Variants in MYO10 observed in about 807,000 individuals in gnomAD.
The protein encoded by MYO10 is unconventional myosin-X.
Under a neutral mutation model 257.3 loss-of-function variants are expected in MYO10, and 133 were observed. The ratio of observed to expected loss-of-function variants is 0.52; its 90% CI spans 0.45 to 0.60. The LOEUF (loss-of-function observed/expected upper bound fraction) is 0.60, where lower values mean the gene tolerates loss of function less well. MYO10 is among the 20% of genes least tolerant of loss of function. The probability of loss-of-function intolerance (pLI) is 0.00; values close to 1 mark genes in which losing one functional copy is unlikely to be tolerated. For missense variants in MYO10, 2,399 were observed against 2,635.7 expected (o/e 0.91, Z 1.97); for synonymous variants, 1,104 against 1,028.6 (o/e 1.07, Z -1.40).
intron 30 of MYO10, among the ~76,000 whole-genome samples, chr5:16,683,121 TGACA>T (rs1400201657): frequency 6.6e-6 from 1 of 152,184 alleles, no homozygotes; most frequent in Non-Finnish European, 1.5e-5. Flanking sequence ...GGAGGGTGAC[TGACA>T]GAGACCCCAG....
At chr5:16,712,222 T>C (rs1438483540) in intron 19 of MYO10, among the ~76,000 whole-genome samples, 2 of 152,196 alleles carry the variant, frequency 1.3e-5, no homozygotes, top group Non-Finnish European at 2.9e-5. Context: ...TACTTATTTA[T>C]TGAGAGCTCC....
At chr5:16,909,014 A>G (rs1730396797) in intron 1 of MYO10, among the ~76,000 whole-genome samples, 1 of 152,212 alleles carries the variant, frequency 6.6e-6, no homozygotes, top group Admixed American at 6.5e-5. Context: ...TGTCTTGGAC[A>G]TTGTATTAGT....
At chr5:16,865,704 G>A (rs1249464136) in intron 2 of MYO10, among the ~76,000 whole-genome samples, 6 of 151,650 alleles carry the variant, frequency 4.0e-5, no homozygotes, top group Non-Finnish European at 7.4e-5. Context: ...CCAGCTACTC[G>A]GGAGGCTTAG....
chr5:16,856,743 T>C (rs1441371239), intron 2 of MYO10, among the ~76,000 whole-genome samples: 4 of 152,038 alleles, frequency 2.6e-5, no homozygotes, highest in African/African-American at 9.7e-5. Context: ...CCAGCATGCA[T>C]GATTTAGGGA....
At position 16,701,270 on chromosome 5, in the gene MYO10, G is replaced by A. The variant is rs761325630; in HGVS notation, c.3125C>T (p.Pro1042Leu). 4.3e-6 allele frequency: 7 copies of A among 1,613,728 alleles called. No individual in the cohort carries two copies. In the Admixed American group the frequency reaches 5.0e-5, roughly 12 times the overall value. ...EDPYMNDTVV[P>L]TSPSADSTVL... ...CGTGCTGTCCGCACTGGGGCTGGTG[G>A]GCACCACCGTGTCGTTCATGTATGG... Residue 1042 changes from proline (P) to leucine (L), a missense_variant, in exon 25 of 41, where the codon CCC (proline) becomes CTC (leucine). Pro to Leu is a moderately conservative substitution (Grantham distance 98). Transcript: ENST00000513610. This position sits in a 1 kb window ranked among gnomAD's most constrained non-coding sequence, Gnocchi z 8.1.
chr5:16,695,714 C>A (rs923033424), intron 26 of MYO10, among the ~76,000 whole-genome samples: 1 of 152,192 alleles, frequency 6.6e-6, no homozygotes, highest in Non-Finnish European at 1.5e-5. Flanking sequence ...ACTGTCCACA[C>A]ATTATTTTCT....
intron 2 of MYO10, among the ~76,000 whole-genome samples, chr5:16,825,586 G>A (rs1032217204): frequency 1.3e-5 from 2 of 152,108 alleles, no homozygotes; most frequent in African/African-American, 4.8e-5. Context: ...CTACTCTGAG[G>A]CAGGAACCCA....
intron 1 of MYO10, among the ~76,000 whole-genome samples, chr5:16,896,617 G>T (rs780979258): frequency 1.1e-4 from 17 of 152,250 alleles, no homozygotes; most frequent in Admixed American, 9.2e-4. Flanking sequence ...AAAAAGGAAA[G>T]AAATGGTCTA....
intron 2 of MYO10, among the ~76,000 whole-genome samples, chr5:16,831,755 T>C (rs546171883): frequency 1.3e-5 from 2 of 152,212 alleles, no homozygotes; most frequent in South Asian, 4.1e-4. Flanking sequence ...GATAAAAGAC[T>C]ACAAATTGGG....
intron 3 of MYO10, among the ~76,000 whole-genome samples, chr5:16,803,590 T>C (rs1025727698): frequency 1.3e-5 from 2 of 152,224 alleles, no homozygotes; most frequent in Admixed American, 6.5e-5. Context: ...AAAGATATTA[T>C]GTTGTGGCTG....
chr5:16,873,693 C>T (rs1238941637), intron 2 of MYO10, among the ~76,000 whole-genome samples: 2 of 152,232 alleles, frequency 1.3e-5, no homozygotes, highest in Non-Finnish European at 2.9e-5. Flanking sequence ...AACCTCAATT[C>T]TTCTGTGCAC....
chr5:16,719,981 T>C (rs988123212), intron 19 of MYO10, among the ~76,000 whole-genome samples: 7 of 117,330 alleles, frequency 6.0e-5, no homozygotes, highest in Admixed American at 4.8e-4. Context: ...AATAAATGTG[T>C]GTGCGTGCGT....
intron 2 of MYO10, among the ~76,000 whole-genome samples, chr5:16,822,909 G>A (rs1199304208): frequency 6.6e-6 from 1 of 151,434 alleles, no homozygotes; most frequent in Non-Finnish European, 1.5e-5. Flanking sequence ...GGACGGTCTC[G>A]ATCTCCTGAC....
chr5:16,838,985 C>G (rs1379647954), intron 2 of MYO10, among the ~76,000 whole-genome samples: 2 of 152,158 alleles, frequency 1.3e-5, no homozygotes. Flanking sequence ...AATATTACTG[C>G]TCACTGACAA....
At chr5:16,798,175 A>G (rs1742022378) in intron 3 of MYO10, among the ~76,000 whole-genome samples, 1 of 152,204 alleles carries the variant, frequency 6.6e-6, no homozygotes, top group African/African-American at 2.4e-5. Context: ...CTCCAGAACC[A>G]TAAGCCAAGT....
At chr5:16,898,415 T>A (rs578115508) in intron 1 of MYO10, among the ~76,000 whole-genome samples, 1 of 129,120 alleles carries the variant, frequency 7.7e-6, no homozygotes. Flanking sequence ...TTCTTTCTCT[T>A]TTTTTTTTTT....
At chr5:16,755,720 CTTT>C (rs544255942) in intron 18 of MYO10, among the ~76,000 whole-genome samples, 1 of 130,782 alleles carries the variant, frequency 7.6e-6, no homozygotes, top group African/African-American at 2.8e-5. Context: ...TCTTTTCCAA[CTTT>C]TTTTTTTTTT....
chr5:16,831,419 C>T (rs1457819954), intron 2 of MYO10, among the ~76,000 whole-genome samples: 4 of 152,208 alleles, frequency 2.6e-5, no homozygotes, highest in Middle Eastern at 3.4e-3. Flanking sequence ...TACTTGCGCA[C>T]GCACGTTTAT....
intron 3 of MYO10, chr5:16,815,527 A>G (rs149738513): frequency 4.4e-6 from 3 of 674,982 alleles, no homozygotes; most frequent in East Asian, 2.7e-5. Flanking sequence ...CAACTACAAG[A>G]CTTTGTAATA....
Sources: gnomAD v4.1 joint callset for allele counts (sites outside exome capture counted in the v4.1 genomes callset) on GRCh38, gnomAD v4.1.1 for gene constraint, Gnocchi (gnomAD v3.1) non-coding constraint, MANE v1.5 for transcripts, NCBI Gene and HGNC (gene_info 2026-07-23, HGNC 2026-07-21) for gene names.